The following DAB2 variants were observed in gnomAD, a reference collection of about 807,000 sequenced individuals.
DAB2 encodes DAB adaptor protein 2.
In DAB2, 28 loss-of-function variants were observed where a neutral mutation model predicts 71.6. That is an observed-to-expected ratio of 0.39 (90% CI 0.29 to 0.54). The LOEUF is 0.54. Among genes scored for constraint, DAB2 ranks in the 20% least tolerant of loss-of-function variants. The pLI is 0.68. For synonymous variants in DAB2, 345 were observed against 339.7 expected, an observed-to-expected ratio of 1.02 and a Z score of -0.17; for missense variants, 867 against 928.8, an observed-to-expected ratio of 0.93 and a Z score of 0.86.
chr5:39,414,812 T>C lies in DAB2; in HGVS notation c.-102+9992A>G, dbSNP rs376422859. ...TCACTCTATAATAAATTGCAATTGA[T>C]GTTGTAAATGAAAGTGGCTTGAGTT... On this transcript the variant is annotated intron_variant, in intron 1 of 14. Transcript: ENST00000320816. Among the ~76,000 whole-genome samples the C allele has an allele frequency of 2.6e-5, 4 of 152,196 alleles. No individual in the cohort carries two copies. In the South Asian group the frequency reaches 8.3e-4, roughly 32 times the overall value.
In DAB2 at chr5:39,411,504, T is replaced by C. The variant is rs996245017; in HGVS notation, c.-102+13300A>G. ...TAGCCTCTCTGTATGCTTCTTACTA[T>C]GGTCATTAAATAAAAGTAACTTGAT... On this transcript the variant is annotated intron_variant, in intron 1 of 14. Coordinates refer to ENST00000320816, the MANE Select transcript of DAB2 (RefSeq NM_001343.4). Among the ~76,000 whole-genome samples, 5 of 152,288 alleles carry C rather than the reference T, an allele frequency of 3.3e-5. No individual in the cohort carries two copies. The East Asian group carries it at 9.7e-4, about 29-fold the overall frequency.
At chr5:39,396,880 T>G (rs115068723) in intron 1 of DAB2, among the ~76,000 whole-genome samples, 2 of 152,194 alleles carry the variant, frequency 1.3e-5, no homozygotes. Context: ...TGTATGTGGA[T>G]GCTGAGTAGC....
At chr5:39,417,668 G>A (rs1030690231) in intron 1 of DAB2, 1 of 152,040 alleles carries the variant, frequency 6.6e-6, no homozygotes, top group African/African-American at 2.4e-5. Flanking sequence ...TATCTTATAG[G>A]CAGCTCTTGT....
chr5:39,372,388 T>C lies in DAB2; in HGVS notation c.*1043A>G, dbSNP rs1447880680. On this transcript the variant is annotated 3_prime_UTR_variant, in exon 15 of 15. Transcript: ENST00000320816. ...AGCATGACCCCAAATAAGCACCTAA[T>C]GTGTTTGGCACAATCACATTTAGCT... 6.6e-6 allele frequency: 1 copy of C among 152,200 alleles called. No homozygotes were observed. The highest frequency in any genetic ancestry group is 1.9e-4 in the East Asian group (1 of 5,200). The allele number at this position is 152,200 out of a possible 1,614,324, so 9.4% of individuals were successfully genotyped here. A position where few individuals can be genotyped will look rare whatever the true frequency, so the allele number is the denominator to read the frequency against.
In DAB2 at chr5:39,376,111, A is replaced by G; in HGVS notation, c.2138-5T>C. ...TGGGAGCTGGCTTTGGTGGTTCTAGAAGGTAAAAAATCCAGGCAATCAGTA... is the reference window on the plus strand; with the variant it reads ...TGGGAGCTGGCTTTGGTGGTTCTAGGAGGTAAAAAATCCAGGCAATCAGTA... On this transcript the variant is annotated splice_polypyrimidine_tract_variant and splice_region_variant and intron_variant, in intron 12 of 14. Transcript: ENST00000320816. 1 of 1,612,110 alleles carries G rather than the reference A, an allele frequency of 6.2e-7. No homozygotes were observed. Among genetic ancestry groups the G allele is most frequent in the East Asian group, 2.2e-5 (1 of 44,836 alleles).
chr5:39,375,181 G>A (rs1380602976), intron 13 of DAB2, 97 bp from the exon 14 acceptor site: 2 of 835,432 alleles, frequency 2.4e-6, no homozygotes, highest in Non-Finnish European at 4.0e-6. Context: ...AATCGCTTAG[G>A]TCATAGGCCA....
chr5:39,419,790 C>T (rs1755937047), intron 1 of DAB2, among the ~76,000 whole-genome samples: 1 of 152,050 alleles, frequency 6.6e-6, no homozygotes, highest in South Asian at 2.1e-4. Flanking sequence ...TAATATCAAA[C>T]CAAAAGTATA....
intron 11 of DAB2, among the ~76,000 whole-genome samples, chr5:39,381,222 T>A (rs1348874691): frequency 6.6e-6 from 1 of 152,106 alleles, no homozygotes; most frequent in African/African-American, 2.4e-5. Context: ...GTAAGTACAA[T>A]ACTGAAAATG....
chr5:39,410,618 G>C (rs1210481549), intron 1 of DAB2, among the ~76,000 whole-genome samples: 1 of 151,880 alleles, frequency 6.6e-6, no homozygotes, highest in Non-Finnish European at 1.5e-5. Flanking sequence ...GAGTTTTTCT[G>C]GTTTTCTAAG....
chr5:39,403,898 G>A (rs1171482990), intron 1 of DAB2, among the ~76,000 whole-genome samples: 3 of 151,684 alleles, frequency 2.0e-5, no homozygotes, highest in Non-Finnish European at 2.9e-5. Flanking sequence ...CTCTCCTTGC[G>A]ATAGTTTGCT....
chr5:39,374,310 A>C (rs1303294594), intron 14 of DAB2, among the ~76,000 whole-genome samples: 2 of 142,000 alleles, frequency 1.4e-5, no homozygotes, highest in Non-Finnish European at 3.2e-5. Context: ...TACTAAATTC[A>C]GTCTTTTGAG....
intron 1 of DAB2, among the ~76,000 whole-genome samples, chr5:39,400,029 T>C (rs1380985095): frequency 6.6e-6 from 1 of 152,150 alleles, no homozygotes; most frequent in Admixed American, 6.5e-5. Flanking sequence ...CTTACCCTAA[T>C]TATACAGAGC....
intron 1 of DAB2, among the ~76,000 whole-genome samples, chr5:39,405,662 C>T (rs1021917225): frequency 6.6e-6 from 1 of 152,190 alleles, no homozygotes; most frequent in Non-Finnish European, 1.5e-5. Context: ...GTAGCTTTTG[C>T]AGAGCTCTGT....
At chr5:39,390,996 G>A (rs1411893883) in intron 4 of DAB2, among the ~76,000 whole-genome samples, 13 of 152,154 alleles carry the variant, frequency 8.5e-5, no homozygotes, top group Admixed American at 8.5e-4. Flanking sequence ...ATTCATTGAC[G>A]ATGGCTCAGA....
chr5:39,390,696 T>C (rs1455381200), intron 4 of DAB2, 121 bp from the exon 5 acceptor site: 5 of 636,832 alleles, frequency 7.9e-6, no homozygotes, highest in Non-Finnish European at 1.0e-5. Context: ...CATTTGAAGA[T>C]AGACTTTTCA....
chr5:39,424,412 G>C (rs1057085130), intron 1 of DAB2, among the ~76,000 whole-genome samples: 1 of 151,208 alleles, frequency 6.6e-6, no homozygotes, highest in African/African-American at 2.4e-5. Context: ...CCTTCGAGGA[G>C]TTAATTAGGC....
intron 1 of DAB2, among the ~76,000 whole-genome samples, chr5:39,404,460 TAA>T (rs574569850): frequency 1.0e-4 from 13 of 127,238 alleles, no homozygotes; most frequent in Admixed American, 2.4e-4. Flanking sequence ...TATTATTATC[TAA>T]AAAAAAAAAA....
intron 7 of DAB2, 102 bp from the exon 8 acceptor site, chr5:39,388,954 C>T (rs917727525): frequency 7.7e-7 from 1 of 1,306,526 alleles, no homozygotes; most frequent in African/African-American, 1.5e-5. Context: ...TTGGTATCAT[C>T]TTTTAACTAA....
intron 1 of DAB2, among the ~76,000 whole-genome samples, chr5:39,402,805 C>T (rs1020221199): frequency 2.0e-5 from 3 of 152,166 alleles, no homozygotes; most frequent in Admixed American, 2.0e-4. Flanking sequence ...GCCTTCTGAG[C>T]CTACAAAAGT....
Sources: gnomAD v4.1 joint callset for allele counts (sites outside exome capture counted in the v4.1 genomes callset) on GRCh38, gnomAD v4.1.1 for gene constraint, MANE v1.5 for transcripts, NCBI Gene and HGNC (gene_info 2026-07-23, HGNC 2026-07-21) for gene names.